Variants in RPS9 observed in about 807,000 individuals in gnomAD.
The protein encoded by RPS9 is ribosomal protein S9, also known as small ribosomal subunit protein uS4.
Under a neutral mutation model 16.9 loss-of-function variants are expected in RPS9, and 1 was observed. That is an observed-to-expected ratio of 0.06 (90% CI 0.02 to 0.28). The LOEUF (loss-of-function observed/expected upper bound fraction) is 0.28, where lower values mean the gene tolerates loss of function less well. Among genes scored for constraint, RPS9 ranks in the 10% least tolerant of loss-of-function variants. RPS9 has a pLI of 1.00. For synonymous variants in RPS9, 106 were observed against 110.9 expected, an observed-to-expected ratio of 0.96 and a Z score of 0.28; for missense variants, 137 against 273.2, an observed-to-expected ratio of 0.50 and a Z score of 3.51.
intron 3 of RPS9, chr19:54,202,375 G>C: frequency 1.1e-6 from 1 of 951,150 alleles, no homozygotes; most frequent in Non-Finnish European, 1.3e-6. Flanking sequence ...AGTGGAGATG[G>C]GTTTTCACCA....
chr19:54,201,825 C>A, intron 3 of RPS9: 1 of 1,009,394 alleles, frequency 9.9e-7, no homozygotes, highest in Non-Finnish European at 1.4e-6. Context: ...AGTTATTGGA[C>A]CTTCAGTTTA....
At chr19:54,202,559 G>A in intron 3 of RPS9, 1 of 981,708 alleles carries the variant, frequency 1.0e-6, no homozygotes, top group Non-Finnish European at 1.2e-6. Flanking sequence ...ACTAATTGTG[G>A]TGAAATACAC....
chr19:54,201,454 G>T (rs539842915), intron 2 of RPS9, 33 bp from the exon 3 acceptor site: 2 of 1,613,892 alleles, frequency 1.2e-6, no homozygotes, highest in Admixed American at 1.7e-5. Context: ...CAGTACGTGG[G>T]ACTACACTTG....
At chr19:54,206,582 C>G in intron 4 of RPS9, 120 bp downstream of exon 4, 1 of 1,554,116 alleles carries the variant, frequency 6.4e-7, no homozygotes, top group Non-Finnish European at 8.7e-7. Context: ...TGAACTCACC[C>G]AGAGGGTACA....
intron 3 of RPS9, chr19:54,203,012 G>T (rs936536119): frequency 1.6e-5 from 16 of 983,802 alleles, no homozygotes; most frequent in Non-Finnish European, 1.9e-5. Flanking sequence ...CATTCTTTTC[G>T]TCAATTTGTA....
At chr19:54,205,220 T>C (rs2077198463) in intron 3 of RPS9, among the ~76,000 whole-genome samples, 3 of 151,962 alleles carry the variant, frequency 2.0e-5, no homozygotes, top group African/African-American at 4.8e-5. Flanking sequence ...AGCGGGAGCC[T>C]AGGGGATGGC....
intron 3 of RPS9, chr19:54,202,799 G>A: frequency 1.0e-5 from 10 of 985,414 alleles, no homozygotes; most frequent in Non-Finnish European, 1.2e-5. Context: ...GTTAGGCGTT[G>A]AGAAAGTCCT....
At chr19:54,206,937 C>T (rs1174032179) in intron 4 of RPS9, 5 of 494,062 alleles carry the variant, frequency 1.0e-5, no homozygotes, top group Admixed American at 7.3e-5. Flanking sequence ...CGTTTAGAAT[C>T]TTCGCCCCAG....
chr19:54,201,739 G>A (rs2077060962), intron 3 of RPS9, 130 bp downstream of exon 3: 3 of 1,473,426 alleles, frequency 2.0e-6, no homozygotes, highest in Admixed American at 2.5e-5. Context: ...CTAACTTTTA[G>A]TGGCACTTGT....
In RPS9 at chr19:54,206,195, A is replaced by G. The variant is rs2077235186; in HGVS notation, c.221-81A>G. ...TGCCTCACCGCCGCGGCATGGAGCT[A>G]CCAAGAGGCGGAGCCAGGATTTGAA... On this transcript the variant is annotated intron_variant, in intron 3 of 4. Transcript: ENST00000302907. 7 of 1,427,868 alleles carry G rather than the reference A, an allele frequency of 4.9e-6. No homozygotes were observed. In the Admixed American group the frequency reaches 1.3e-4, roughly 27 times the overall value. The allele number at this position is 1,427,868 out of a possible 1,614,324, so 88.4% of individuals were successfully genotyped here.
intron 4 of RPS9, 148 bp from the exon 5 acceptor site, chr19:54,207,250 C>T (rs1329839855): frequency 9.3e-6 from 6 of 642,218 alleles, no homozygotes; most frequent in African/African-American, 3.7e-5. Context: ...GGAGGGCGCA[C>T]GTAGGATCAG....
chr19:54,201,681 C>G (rs2077058427), intron 3 of RPS9, 72 bp downstream of exon 3: 2 of 1,594,444 alleles, frequency 1.3e-6, no homozygotes, highest in Admixed American at 3.5e-5. Context: ...TCTGTTGCCT[C>G]TGTTCCAGTG....
chr19:54,201,725 C>G (rs1357788604), intron 3 of RPS9, 116 bp downstream of exon 3: 5 of 1,499,658 alleles, frequency 3.3e-6, no homozygotes, highest in Admixed American at 2.3e-5. Flanking sequence ...ATGGAACCAG[C>G]CTTCTAACTT....
intron 3 of RPS9, chr19:54,202,886 C>T (rs2077108721): frequency 6.1e-6 from 6 of 984,764 alleles, no homozygotes; most frequent in Non-Finnish European, 7.2e-6. Context: ...TAAATAGGCA[C>T]AGGATCTTGC....
chr19:54,207,318 T>G, intron 4 of RPS9, 80 bp from the exon 5 acceptor site: 1 of 1,267,240 alleles, frequency 7.9e-7, no homozygotes, highest in Non-Finnish European at 1.1e-6. Context: ...ACGGGGTGGG[T>G]GGAGAGGAAA....
intron 4 of RPS9, chr19:54,206,966 A>G: frequency 2.2e-6 from 1 of 455,430 alleles, no homozygotes; most frequent in East Asian, 4.0e-5. Flanking sequence ...TAACCCTGTG[A>G]GCCGTAGGCA....
intron 3 of RPS9, chr19:54,202,568 A>G: frequency 1.0e-6 from 1 of 983,274 alleles, no homozygotes; most frequent in Non-Finnish European, 1.2e-6. Context: ...GGTGAAATAC[A>G]CATTAAATTG....
chr19:54,203,066 C>A lies in RPS9; in HGVS notation c.220+1457C>A, dbSNP rs915098320. 8 of 985,174 alleles carry A rather than the reference C, an allele frequency of 8.1e-6. No homozygotes were observed. The East Asian group carries it at 9.1e-4, about 112-fold the overall frequency. 61.0% of individuals were successfully genotyped at this position (985,174 alleles called of 1,614,324 possible). ...ATGAAAGTGCTGGAGATCCCTCCCC[C>A]ATAGATACTGATGCTGGGTGGGAAT... is the stretch of plus-strand genomic sequence containing the variant. On this transcript the variant is annotated intron_variant, in intron 3 of 4. Coordinates refer to ENST00000302907, the MANE Select transcript of RPS9 (RefSeq NM_001013.4).
intron 3 of RPS9, among the ~76,000 whole-genome samples, chr19:54,204,650 C>T (rs2077180124): frequency 6.6e-6 from 1 of 152,182 alleles, no homozygotes. Context: ...CTGGACTCAA[C>T]TGATCCTCCT....
Sources: gnomAD v4.1 joint callset for allele counts (sites outside exome capture counted in the v4.1 genomes callset) on GRCh38, gnomAD v4.1.1 for gene constraint, MANE v1.5 for transcripts, NCBI Gene and HGNC (gene_info 2026-07-23, HGNC 2026-07-21) for gene names.